The following TRAPPC12 variants were observed in gnomAD, a reference collection of about 807,000 sequenced individuals.
TRAPPC12 encodes trafficking protein particle complex subunit 12, also known as TPR repeat protein 15.
Under a neutral mutation model 69.2 loss-of-function variants are expected in TRAPPC12, and 61 were observed. The observed-to-expected ratio is 0.88, with a 90% confidence interval of 0.72 to 1.09. TRAPPC12 has a LOEUF of 1.09. Among genes scored for constraint, TRAPPC12 ranks in the 50% least tolerant of loss-of-function variants. The pLI is 0.00. For missense variants in TRAPPC12, 1,101 were observed against 1,016.4 expected (o/e 1.08, Z -1.13); for synonymous variants, 469 against 438.9 (o/e 1.07, Z -0.86).
chr2:3,401,604 C>T (rs535035295), intron 2 of TRAPPC12, among the ~76,000 whole-genome samples, 173 bp from the exon 3 acceptor site: 4 of 152,218 alleles, frequency 2.6e-5, no homozygotes, highest in Admixed American at 6.5e-5. Flanking sequence ...ATTTTATTAA[C>T]GATTGTGCTA....
chr2:3,411,053 A>G (rs1166853050), intron 3 of TRAPPC12, among the ~76,000 whole-genome samples: 1 of 152,194 alleles, frequency 6.6e-6, no homozygotes, highest in Non-Finnish European at 1.5e-5. Flanking sequence ...TGAAATAAAA[A>G]ACAAATTGAG....
chr2:3,423,372 C>A (rs953461694), intron 4 of TRAPPC12, among the ~76,000 whole-genome samples: 4 of 151,032 alleles, frequency 2.6e-5, no homozygotes, highest in African/African-American at 9.8e-5. Flanking sequence ...CACTGAAAAT[C>A]TGTCTTAGCA....
chr2:3,415,135 G>A (rs1416322392), intron 3 of TRAPPC12, among the ~76,000 whole-genome samples: 1 of 152,138 alleles, frequency 6.6e-6, no homozygotes, highest in South Asian at 2.1e-4. Context: ...CCCAACCTCC[G>A]TGGTTTGACT....
chr2:3,409,305 G>C (rs1212066464), intron 3 of TRAPPC12, among the ~76,000 whole-genome samples: 1 of 152,116 alleles, frequency 6.6e-6, no homozygotes, highest in Admixed American at 6.5e-5. Context: ...AAATGTTTTT[G>C]AAATACAAAG....
At chr2:3,403,136 G>A (rs1661542177) in intron 3 of TRAPPC12, among the ~76,000 whole-genome samples, 1 of 151,838 alleles carries the variant, frequency 6.6e-6, no homozygotes, top group Non-Finnish European at 1.5e-5. Flanking sequence ...AAAAGAGAAT[G>A]GAATTTCCTA....
chr2:3,401,448 T>C (rs1389736803), intron 2 of TRAPPC12, among the ~76,000 whole-genome samples: 1 of 152,236 alleles, frequency 6.6e-6, no homozygotes, highest in Non-Finnish European at 1.5e-5. Flanking sequence ...TCTGCTGGCT[T>C]GGCTTTGCCT....
intron 2 of TRAPPC12, 60 bp downstream of exon 2, chr2:3,388,730 C>T (rs1660653279): frequency 2.1e-6 from 3 of 1,425,646 alleles, no homozygotes; most frequent in Non-Finnish European, 2.8e-6. Flanking sequence ...GTGAGATACG[C>T]ACAGTGCCCC....
At chr2:3,434,303 C>T (rs4255986) in intron 5 of TRAPPC12, among the ~76,000 whole-genome samples, 4,011 of 152,268 alleles carry the variant, frequency 0.026, 165 homozygotes, top group African/African-American at 0.091. Context: ...TCTCCAGCTG[C>T]TTCCATTTAT....
At position 3,399,556 on chromosome 2, in the gene TRAPPC12, G is replaced by C. The variant is rs115040892; in HGVS notation, c.1048-2221G>C. On this transcript the variant is annotated intron_variant, in intron 2 of 11. Coordinates refer to ENST00000324266, the MANE Select transcript of TRAPPC12 (RefSeq NM_016030.6). Reference sequence around the variant, plus strand: ...TGAGGCTGGCCTCTGCGAGCACCAGGTTTAGCACCCAGGGAAGAGACAGAC... The same window carrying C: ...TGAGGCTGGCCTCTGCGAGCACCAGCTTTAGCACCCAGGGAAGAGACAGAC... 6.5e-3 allele frequency among the ~76,000 whole-genome samples: 991 copies of C among 152,210 alleles called. 11 individuals carry two copies. The highest frequency in any genetic ancestry group is 0.023 in the African/African-American group (938 of 41,504).
intron 3 of TRAPPC12, among the ~76,000 whole-genome samples, chr2:3,408,024 C>T (rs1259958895): frequency 6.6e-6 from 1 of 152,170 alleles, no homozygotes; most frequent in Non-Finnish European, 1.5e-5. Flanking sequence ...GTCGTCCCCT[C>T]TCCAGCATTT....
At position 3,387,962 on chromosome 2, in the gene TRAPPC12, G is replaced by T; in HGVS notation, c.339G>T (p.Glu113Asp). 1 of 1,480,322 alleles carries T rather than the reference G, an allele frequency of 6.8e-7. No homozygotes were observed. The highest frequency in any genetic ancestry group is 1.3e-5 in the South Asian group (1 of 75,770). 91.7% of individuals were successfully genotyped at this position (1,480,322 alleles called of 1,614,324 possible). A position where few individuals can be genotyped will look rare whatever the true frequency, so the allele number is the denominator to read the frequency against. The part of the protein sequence containing the change: ...EPAGTPSPSG[E>D]ADGDCAPEDA... ...CGGGCACCCCGAGTCCCAGCGGCGAGGCCGACGGCGACTGTGCCCCCGAGG... is the reference window on the plus strand; with the variant it reads ...CGGGCACCCCGAGTCCCAGCGGCGATGCCGACGGCGACTGTGCCCCCGAGG... Residue 113 changes from glutamate (E) to aspartate (D), a missense_variant, in exon 2 of 12, where the codon GAG (glutamate) becomes GAT (aspartate). Transcript: ENST00000324266.
At position 3,479,379 on chromosome 2, in the gene TRAPPC12, T is replaced by A; in HGVS notation, c.2126T>A (p.Met709Lys). The change falls in exon 12 of 12, where the codon ATG becomes AAG. Residue 709 changes from methionine (M) to lysine (K), a missense_variant. By Grantham distance (95) the Met-to-Lys change is moderately conservative. Transcript: ENST00000324266. ...TACGAGCTGGAGTCCTCACGGAGCA[T>A]GCAGAAGAAACAGGCCCTGCTGGAG... is the stretch of plus-strand genomic sequence containing the variant. Reference protein sequence around the residue: ...TMYELESSRSMQKKQALLEAV... With the variant: ...TMYELESSRSKQKKQALLEAV... The A allele has an allele frequency of 6.2e-7, 1 of 1,614,142 alleles. No homozygotes were observed. The highest frequency in any genetic ancestry group is 8.5e-7 in the Non-Finnish European group (1 of 1,180,038).
chr2:3,446,452 TG>T (rs1328762854), intron 6 of TRAPPC12, among the ~76,000 whole-genome samples: 1 of 152,222 alleles, frequency 6.6e-6, no homozygotes, highest in Non-Finnish European at 1.5e-5. Flanking sequence ...GCACAGCTGG[TG>T]GATGCCTGGA....
chr2:3,428,148 C>T (rs1663221245), intron 5 of TRAPPC12, among the ~76,000 whole-genome samples: 1 of 152,160 alleles, frequency 6.6e-6, no homozygotes, highest in African/African-American at 2.4e-5. Context: ...TTCCTAAGGA[C>T]GTTCAGTCAA....
At chr2:3,475,422 C>A (rs144408435) in intron 9 of TRAPPC12, among the ~76,000 whole-genome samples, 2 of 139,202 alleles carry the variant, frequency 1.4e-5, no homozygotes, top group East Asian at 3.9e-4. Context: ...CACTGTATTT[C>A]CTTTTTAATA....
At chr2:3,399,805 C>T (rs1661327359) in intron 2 of TRAPPC12, among the ~76,000 whole-genome samples, 1 of 149,590 alleles carries the variant, frequency 6.7e-6, no homozygotes, top group African/African-American at 2.5e-5. Context: ...TTCTTTCCCC[C>T]GCTCCCCCCG....
intron 6 of TRAPPC12, 146 bp downstream of exon 6, chr2:3,444,037 G>T (rs1044754170): frequency 1.9e-4 from 116 of 623,186 alleles, no homozygotes; most frequent in Non-Finnish European, 1.6e-4. Flanking sequence ...GACCCGGTTT[G>T]TGTGGCCTGG....
At chr2:3,407,376 T>C (rs373121306) in intron 3 of TRAPPC12, among the ~76,000 whole-genome samples, 9 of 152,240 alleles carry the variant, frequency 5.9e-5, no homozygotes, top group African/African-American at 1.9e-4. Flanking sequence ...TTATCTAAAA[T>C]CTTTATCTCA....
chr2:3,432,786 C>T (rs1164772398), intron 5 of TRAPPC12, among the ~76,000 whole-genome samples: 2 of 152,190 alleles, frequency 1.3e-5, no homozygotes, highest in African/African-American at 4.8e-5. Flanking sequence ...GTTTGGGGTT[C>T]CGTATCTACC....
Sources: gnomAD v4.1 joint callset for allele counts (sites outside exome capture counted in the v4.1 genomes callset) on GRCh38, gnomAD v4.1.1 for gene constraint, MANE v1.5 for transcripts, NCBI Gene and HGNC (gene_info 2026-07-23, HGNC 2026-07-21) for gene names.